Variants in ORC1 observed in about 807,000 individuals in gnomAD.
ORC1 encodes the protein origin recognition complex subunit 1.
Under a neutral mutation model 98.9 loss-of-function variants are expected in ORC1, and 61 were observed. The observed-to-expected ratio is 0.62, with a 90% confidence interval of 0.50 to 0.76. The LOEUF (loss-of-function observed/expected upper bound fraction) is 0.76. Among genes scored for constraint, ORC1 ranks in the 30% least tolerant of loss-of-function variants. The pLI, the probability that ORC1 is intolerant of heterozygous loss-of-function variation, is 0.00. For missense variants in ORC1, 979 were observed against 1,072.2 expected, an observed-to-expected ratio of 0.91 and a Z score of 1.21; for synonymous variants, 385 against 406.9, an observed-to-expected ratio of 0.95 and a Z score of 0.65.
intron 7 of ORC1, 107 bp from the exon 8 acceptor site, chr1:52,388,744 C>A: frequency 2.0e-6 from 2 of 975,966 alleles, no homozygotes; most frequent in Non-Finnish European, 3.3e-6. Flanking sequence ...CTCCTGTGAC[C>A]AGGTGACATG....
At chr1:52,386,810 G>A (rs1246132528) in intron 8 of ORC1, among the ~76,000 whole-genome samples, 2 of 152,080 alleles carry the variant, frequency 1.3e-5, no homozygotes, top group South Asian at 2.1e-4. Context: ...AATTAGCTAG[G>A]CATGATGGCA....
chr1:52,385,723 T>C (rs1402143800), intron 9 of ORC1, 129 bp downstream of exon 9: 3 of 733,414 alleles, frequency 4.1e-6, no homozygotes, highest in East Asian at 2.7e-5. Flanking sequence ...TTTACCTAGA[T>C]AGGTAAAAGT....
intron 10 of ORC1, 70 bp from the exon 11 acceptor site, chr1:52,384,791 T>C (rs1292805339): frequency 1.5e-6 from 2 of 1,352,144 alleles, no homozygotes; most frequent in East Asian, 4.9e-5. Context: ...CAGTTAGGAG[T>C]GTGGGAATGT....
intron 15 of ORC1, 121 bp downstream of exon 15, chr1:52,375,305 CTAGA>C: frequency 1.2e-6 from 1 of 868,744 alleles, no homozygotes; most frequent in Non-Finnish European, 1.9e-6. Context: ...GTTTCCCTGA[CTAGA>C]TAATGTCCCT....
chr1:52,395,913 T>G, intron 5 of ORC1, 133 bp downstream of exon 5: 3 of 1,463,420 alleles, frequency 2.0e-6, no homozygotes, highest in Non-Finnish European at 2.8e-6. Flanking sequence ...AAGGATTGCT[T>G]GAGCATGATC....
chr1:52,407,315 T>C (rs975911274), upstream of ORC1, among the ~76,000 whole-genome samples: 1 of 152,188 alleles, frequency 6.6e-6, no homozygotes, highest in African/African-American at 2.4e-5. Context: ...CGCCCCTGGC[T>C]GGAACGACTC....
chr1:52,397,999 T>C, intron 3 of ORC1, 136 bp from the exon 4 acceptor site: 1 of 816,506 alleles, frequency 1.2e-6, no homozygotes. Context: ...ACAGAGTCTC[T>C]GTCACCCAGG....
At chr1:52,375,341 A>G in intron 15 of ORC1, 89 bp downstream of exon 15, 1 of 1,126,722 alleles carries the variant, frequency 8.9e-7, no homozygotes, top group Non-Finnish European at 1.3e-6. Flanking sequence ...CTGTGTTATT[A>G]ATAAGTGCAG....
chr1:52,379,541 C>A (rs890502271), intron 14 of ORC1, among the ~76,000 whole-genome samples: 2 of 151,790 alleles, frequency 1.3e-5, no homozygotes, highest in Non-Finnish European at 2.9e-5. Flanking sequence ...CCGCACCCAG[C>A]CAAAAGTAGA....
At chr1:52,392,215 C>T (rs548311679) in intron 6 of ORC1, among the ~76,000 whole-genome samples, 1 of 151,800 alleles carries the variant, frequency 6.6e-6, no homozygotes, top group African/African-American at 2.4e-5. Flanking sequence ...CTGCAAACTC[C>T]GCCTCCCAGG....
chr1:52,407,184 A>AT (rs1277285094), upstream of ORC1, among the ~76,000 whole-genome samples: 2 of 151,948 alleles, frequency 1.3e-5, no homozygotes, highest in African/African-American at 2.4e-5. Context: ...CACCCGGCTA[A>AT]TTTTTTGTAT....
At chr1:52,382,110 C>G (rs1388829234) in intron 13 of ORC1, among the ~76,000 whole-genome samples, 1 of 152,076 alleles carries the variant, frequency 6.6e-6, no homozygotes, top group Non-Finnish European at 1.5e-5. Context: ...TCCCAAGTAG[C>G]TGGGACTACT....
intron 14 of ORC1, among the ~76,000 whole-genome samples, chr1:52,377,703 CAAA>C (rs58266239): frequency 1.4e-4 from 8 of 58,768 alleles, no homozygotes; most frequent in East Asian, 5.6e-4. Context: ...CCCCTAGAAG[CAAA>C]AAAAAAAAAA....
intron 12 of ORC1, 89 bp from the exon 13 acceptor site, chr1:52,383,658 G>A: frequency 6.8e-7 from 1 of 1,467,234 alleles, no homozygotes. Context: ...TGCTTTAGCT[G>A]CATGTTTCCC....
chr1:52,396,178 C>A lies in ORC1; in HGVS notation c.589G>T (p.Ala197Ser), dbSNP rs778334872. The A allele has an allele frequency of 5.6e-6, 9 of 1,614,042 alleles. 1 individual carries two copies. In the Admixed American group the frequency reaches 1.5e-4, roughly 27 times the overall value. Residue 197 changes from alanine to serine, a missense_variant, in exon 5 of 17, where the codon GCA becomes TCA. Physicochemically the swap from Ala to Ser is moderately conservative, Grantham distance 99 (BLOSUM62 1). Transcript: ENST00000371568. Reference protein sequence around the residue: ...QKPVRAKSKSAESPSWTPAEH... With the variant: ...QKPVRAKSKSSESPSWTPAEH... ...GCTGGGGTCCAAGAAGGGCTCTCTG[C>A]ACTCTTACTCTTGGCTCTCACGGGT...
chr1:52,404,697 T>C (rs886211523), upstream of ORC1: 79 of 1,586,178 alleles, frequency 5.0e-5, no homozygotes, highest in Non-Finnish European at 6.5e-5. Flanking sequence ...TTTCTGAACC[T>C]GGATGTGAGG....
chr1:52,381,001 A>T (rs908372024), intron 14 of ORC1, among the ~76,000 whole-genome samples: 1 of 152,224 alleles, frequency 6.6e-6, no homozygotes, highest in Non-Finnish European at 1.5e-5. Context: ...ATAAGTTTAT[A>T]ATTATTTTAC....
upstream of ORC1, chr1:52,408,868 C>A (rs972459758): frequency 1.5e-6 from 1 of 648,408 alleles, no homozygotes; most frequent in African/African-American, 1.8e-5. Context: ...CTACTAGCTT[C>A]GTGTTGGCCT....
intron 14 of ORC1, among the ~76,000 whole-genome samples, chr1:52,376,024 C>T (rs1410034734): frequency 6.6e-6 from 1 of 152,148 alleles, no homozygotes; most frequent in Non-Finnish European, 1.5e-5. Flanking sequence ...CCCCTTACAG[C>T]ACGTGGTGAA....
Sources: allele counts gnomAD v4.1 joint callset (sites outside exome capture counted in the v4.1 genomes callset), GRCh38; gene constraint gnomAD v4.1.1; transcripts MANE v1.5; gene names NCBI Gene and HGNC (gene_info 2026-07-23, HGNC 2026-07-21).